RGS18: variants seen among roughly 807,000 people sequenced by gnomAD.
RGS18 encodes the protein regulator of G-protein signaling 18.
In RGS18, 22 loss-of-function variants were observed where a neutral mutation model predicts 27.6. The observed-to-expected ratio is 0.80, with a 90% confidence interval of 0.57 to 1.14. The LOEUF (loss-of-function observed/expected upper bound fraction) is 1.14. Ranked by LOEUF, RGS18 falls within the 50% of genes most tolerant of loss-of-function variation. The pLI is 0.00. For missense variants in RGS18, 299 were observed against 269.6 expected (o/e 1.11, Z -0.76); for synonymous variants, 89 against 84.6 (o/e 1.05, Z -0.29).
chr1:192,158,709 A>C lies in RGS18; in HGVS notation c.72A>C (p.Leu24Phe). ...CESKEKTFFKLIHGSGKEETS... is the reference protein window; with the variant it reads ...CESKEKTFFKFIHGSGKEETS... ...CAAAAGAAAAAACTTTTTTCAAGTTAATACATGGTTCAGGAAAAGAAGAAA... is the reference window on the plus strand; with the variant it reads ...CAAAAGAAAAAACTTTTTTCAAGTTCATACATGGTTCAGGAAAAGAAGAAA... The change falls in exon 1 of 5, where the codon TTA (leucine) becomes TTC (phenylalanine). Residue 24 changes from leucine (L) to phenylalanine (F), a missense_variant. Coordinates refer to ENST00000367460, the MANE Select transcript of RGS18 (RefSeq NM_130782.3). 6.3e-7 allele frequency: 1 copy of C among 1,578,974 alleles called. No individual in the cohort carries two copies. The highest frequency in any genetic ancestry group is 8.6e-7 in the Non-Finnish European group (1 of 1,167,594).
In RGS18 at chr1:192,169,554, G is replaced by A. The variant is rs1571388573; in HGVS notation, c.283+9115G>A. On this transcript the variant is annotated intron_variant, in intron 3 of 4. Transcript: ENST00000367460. ...CTTTTTGTGAAATGGGGAAAGGCAG[G>A]ACCTATATCATAGACAAACAGATCA... The A allele has an allele frequency of 4.6e-5, 7 of 152,258 alleles. No homozygotes were observed. In the South Asian group the frequency reaches 1.5e-3, roughly 32 times the overall value. The allele number at this position is 152,258 out of a possible 1,614,324, so 9.4% of individuals were successfully genotyped here.
intron 3 of RGS18, among the ~76,000 whole-genome samples, chr1:192,178,650 G>A (rs1006345922): frequency 6.6e-6 from 1 of 151,596 alleles, no homozygotes; most frequent in Non-Finnish European, 1.5e-5. Flanking sequence ...TAAGTAAAGT[G>A]TTGAATGGAA....
chr1:192,167,566 C>T (rs971425182), intron 3 of RGS18, among the ~76,000 whole-genome samples: 13 of 151,976 alleles, frequency 8.6e-5, no homozygotes, highest in East Asian at 1.9e-4. Context: ...ATTTCAGAAG[C>T]GCACCACCAC....
At chr1:192,161,069 C>G (rs1288418510) in intron 3 of RGS18, among the ~76,000 whole-genome samples, 1 of 152,152 alleles carries the variant, frequency 6.6e-6, no homozygotes, top group African/African-American at 2.4e-5. Flanking sequence ...CCAGGATGGT[C>G]TCAATCTGCT....
chr1:192,172,318 A>G (rs1053300187), intron 3 of RGS18, among the ~76,000 whole-genome samples: 3 of 151,890 alleles, frequency 2.0e-5, no homozygotes, highest in African/African-American at 4.8e-5. Context: ...AGGGGAATGG[A>G]TTCGTTCCCT....
At chr1:192,168,198 AAGTG>A (rs1295883483) in intron 3 of RGS18, 2 of 152,300 alleles carry the variant, frequency 1.3e-5, no homozygotes, top group East Asian at 1.9e-4. Flanking sequence ...CAGCTGCCCA[AAGTG>A]AGTAAGAGAA....
intron 3 of RGS18, chr1:192,169,291 T>C (rs971375746): frequency 5.3e-5 from 8 of 152,158 alleles, no homozygotes; most frequent in Non-Finnish European, 1.2e-4. Flanking sequence ...TCCACGCTTA[T>C]GCATAACATG....
chr1:192,177,060 G>A (rs537374010), intron 3 of RGS18, among the ~76,000 whole-genome samples: 1 of 151,718 alleles, frequency 6.6e-6, no homozygotes, highest in Non-Finnish European at 1.5e-5. Flanking sequence ...AAATAAAACT[G>A]TCACTGATAG....
At chr1:192,167,147 T>C (rs1366771238) in intron 3 of RGS18, among the ~76,000 whole-genome samples, 1 of 152,124 alleles carries the variant, frequency 6.6e-6, no homozygotes, top group Admixed American at 6.5e-5. Flanking sequence ...AGGATGGAAG[T>C]AGAATATGTA....
At chr1:192,171,020 A>C (rs1454804293) in intron 3 of RGS18, among the ~76,000 whole-genome samples, 2 of 152,148 alleles carry the variant, frequency 1.3e-5, no homozygotes, top group African/African-American at 2.4e-5. Flanking sequence ...TTATGTGCTT[A>C]ATATGCCACA....
At chr1:192,172,409 A>G (rs1006047656) in intron 3 of RGS18, among the ~76,000 whole-genome samples, 1 of 152,020 alleles carries the variant, frequency 6.6e-6, no homozygotes, top group African/African-American at 2.4e-5. Context: ...GGTCTTCACC[A>G]TATTTTGACC....
intron 3 of RGS18, among the ~76,000 whole-genome samples, chr1:192,179,197 A>G (rs1422806898): frequency 1.7e-4 from 26 of 151,570 alleles, no homozygotes; most frequent in Admixed American, 1.7e-3. Context: ...GATGCTGCCA[A>G]GTGGGAAGTC....
intron 3 of RGS18, among the ~76,000 whole-genome samples, chr1:192,180,866 A>G (rs1656440592): frequency 6.6e-6 from 1 of 151,662 alleles, no homozygotes; most frequent in South Asian, 2.1e-4. Context: ...GGAAGCATAG[A>G]GCTTTTAGTA....
intron 3 of RGS18, among the ~76,000 whole-genome samples, chr1:192,172,882 T>TATATATAA (rs1407068832): frequency 1.1e-3 from 112 of 104,890 alleles, no homozygotes; most frequent in Middle Eastern, 7.4e-3. Context: ...TATATATATA[T>TATATATAA]AAATATATAT....
At chr1:192,181,718 C>T (rs1437091335) in intron 4 of RGS18, among the ~76,000 whole-genome samples, 1 of 151,416 alleles carries the variant, frequency 6.6e-6, no homozygotes, top group Admixed American at 6.6e-5. Flanking sequence ...TCAATATGTT[C>T]TTTTCTAGCA....
intron 3 of RGS18, among the ~76,000 whole-genome samples, chr1:192,178,027 G>A (rs1656386524): frequency 6.6e-6 from 1 of 151,572 alleles, no homozygotes; most frequent in African/African-American, 2.4e-5. Flanking sequence ...ATAATAATTT[G>A]TGTGAGAGAT....
chr1:192,174,814 G>A (rs957839293), intron 3 of RGS18, among the ~76,000 whole-genome samples: 1 of 151,746 alleles, frequency 6.6e-6, no homozygotes, highest in African/African-American at 2.4e-5. Context: ...TTGCCAATAT[G>A]TAGTCTGTTT....
intron 3 of RGS18, among the ~76,000 whole-genome samples, chr1:192,175,012 A>G (rs975475228): frequency 4.6e-5 from 7 of 151,804 alleles, no homozygotes; most frequent in Admixed American, 2.6e-4. Flanking sequence ...AAGTAAATCT[A>G]TCTTCTATAC....
intron 3 of RGS18, among the ~76,000 whole-genome samples, chr1:192,179,972 G>A (rs1458867561): frequency 6.6e-6 from 1 of 151,508 alleles, no homozygotes; most frequent in Non-Finnish European, 1.5e-5. Context: ...AGTACACGGG[G>A]TCTCTCCTAG....
Sources: gnomAD v4.1 joint callset for allele counts (sites outside exome capture counted in the v4.1 genomes callset) on GRCh38, gnomAD v4.1.1 for gene constraint, MANE v1.5 for transcripts, NCBI Gene and HGNC (gene_info 2026-07-23, HGNC 2026-07-21) for gene names.